The following TEX2 variants were observed in gnomAD, a reference collection of about 807,000 sequenced individuals.
TEX2 encodes testis-expressed protein 2.
A neutral mutation model predicts 106.9 loss-of-function variants in TEX2; 53 were observed. The observed-to-expected ratio is 0.50, with a 90% confidence interval of 0.40 to 0.62. TEX2 has a LOEUF of 0.62. Ranked by LOEUF, TEX2 falls within the 20% of genes least tolerant of loss-of-function variation. The pLI is 0.00. For missense variants in TEX2, 1,207 were observed against 1,379.0 expected (o/e 0.88, Z 1.98); for synonymous variants, 523 against 534.8 (o/e 0.98, Z 0.30).
rs2032148892 is a variant in TEX2, at chr17:64,188,190, C to T, written c.2402G>A (p.Ser801Asn). 1 of 1,610,294 alleles carries T rather than the reference C, an allele frequency of 6.2e-7. No homozygotes were observed. Among genetic ancestry groups the T allele is most frequent in the East Asian group, 2.2e-5 (1 of 44,880 alleles). Residue 801 changes from serine (S) to asparagine (N), a missense_variant, in exon 5 of 12, where the codon AGC becomes AAC. Ser to Asn is a conservative substitution (Grantham distance 46, BLOSUM62 1). This residue lies in a region of TEX2 where 1,067 missense variants were observed against 1,193.6 expected (regional missense o/e 0.89). Transcript: ENST00000584379. ...PQRSPLQSAESSPTAGKKLPE... is the reference protein window; with the variant it reads ...PQRSPLQSAENSPTAGKKLPE... ...TACCTTCTTCCCAGCTGTGGGGCTG[C>T]TCTCCGCACTCTGCAGGGGGCTCCT... is the stretch of plus-strand genomic sequence containing the variant.
At chr17:64,227,118 C>G (rs1188892383) in intron 1 of TEX2, among the ~76,000 whole-genome samples, 1 of 151,120 alleles carries the variant, frequency 6.6e-6, no homozygotes, top group Non-Finnish European at 1.5e-5. Flanking sequence ...CCCAGCTACT[C>G]GGGAGGGTGA....
At chr17:64,193,233 C>A (rs986171144) in intron 4 of TEX2, among the ~76,000 whole-genome samples, 3 of 152,154 alleles carry the variant, frequency 2.0e-5, no homozygotes, top group African/African-American at 7.2e-5. Context: ...GAAGGATCTC[C>A]CTGACTCACC....
intron 1 of TEX2, among the ~76,000 whole-genome samples, chr17:64,261,521 T>C (rs781874786): frequency 6.6e-6 from 1 of 152,150 alleles, no homozygotes; most frequent in Non-Finnish European, 1.5e-5. Flanking sequence ...CTCCTGAATT[T>C]TTCCTCCCTC....
intron 5 of TEX2, among the ~76,000 whole-genome samples, chr17:64,187,028 A>T (rs2032101959): frequency 6.6e-6 from 1 of 152,166 alleles, no homozygotes; most frequent in African/African-American, 2.4e-5. Context: ...TCACTTAGCA[A>T]CTGTGTGACT....
chr17:64,168,349 A>T (rs1298992322), intron 7 of TEX2, among the ~76,000 whole-genome samples: 3 of 152,182 alleles, frequency 2.0e-5, no homozygotes, highest in Non-Finnish European at 2.9e-5. Context: ...TTATGTCTTT[A>T]TCGTTCCTTT....
intron 1 of TEX2, among the ~76,000 whole-genome samples, chr17:64,222,518 C>CAAAAAAAAAAA (rs11296538): frequency 2.0e-5 from 2 of 99,150 alleles, no homozygotes; most frequent in African/African-American, 3.8e-5. Flanking sequence ...TTCCAACTCA[C>CAAAAAAAAAAA]AAAAAAAAAA....
In TEX2 at chr17:64,212,636, G is replaced by C; in HGVS notation, c.1582C>G (p.His528Asp). 6.2e-7 allele frequency: 1 copy of C among 1,614,114 alleles called. No individual in the cohort carries two copies. The highest frequency in any genetic ancestry group is 1.1e-5 in the South Asian group (1 of 91,076). Residue 528 changes from histidine (H) to aspartate (D), a missense_variant, in exon 2 of 12, where the codon CAC becomes GAC. By Grantham distance (81) the His-to-Asp change is moderately conservative (BLOSUM62 -1). Around this residue, in one of 3 missense-constraint regions of TEX2, gnomAD observed 1,067 missense variants for 1,193.6 expected, o/e 0.89. Coordinates refer to ENST00000584379, the MANE Select transcript of TEX2 (RefSeq NM_001288732.2). ...GTGTTCCAGTGTCGCAGATTTTTGT[G>C]TAACTTGTGATATTTATGAGCACTT... ...PPSAHKYHKL[H>D]KNLRHWNTRS... is the part of the protein sequence containing the mutation.
At chr17:64,192,112 A>G (rs1478953604) in intron 4 of TEX2, among the ~76,000 whole-genome samples, 1 of 152,214 alleles carries the variant, frequency 6.6e-6, no homozygotes, top group Non-Finnish European at 1.5e-5. Context: ...TAGACCTACC[A>G]GGAGAGCTAG....
chr17:64,190,208 T>C (rs1385850953), intron 4 of TEX2, among the ~76,000 whole-genome samples: 2 of 152,192 alleles, frequency 1.3e-5, no homozygotes, highest in African/African-American at 4.8e-5. Context: ...ATTATCCTTA[T>C]ACCGTTTTCA....
intron 1 of TEX2, among the ~76,000 whole-genome samples, chr17:64,248,031 C>T (rs1349094473): frequency 6.6e-6 from 1 of 152,180 alleles, no homozygotes; most frequent in Non-Finnish European, 1.5e-5. Flanking sequence ...AAATCTCACT[C>T]CAGGAAGAAG....
At chr17:64,171,979 C>CA (rs11322413) in intron 6 of TEX2, among the ~76,000 whole-genome samples, 3,869 of 133,280 alleles carry the variant, frequency 0.029, 92 homozygotes, top group African/African-American at 0.069. Context: ...GACTCTGCGT[C>CA]AAAAAAAAAA....
At chr17:64,262,635 ACGC>A (rs1449232887) in intron 1 of TEX2, among the ~76,000 whole-genome samples, 1 of 152,140 alleles carries the variant, frequency 6.6e-6, no homozygotes, top group Non-Finnish European at 1.5e-5. Context: ...GGATTTCGGC[ACGC>A]CGCCGCCTCC....
At chr17:64,192,468 CAG>C (rs574598457) in intron 4 of TEX2, among the ~76,000 whole-genome samples, 30 of 152,330 alleles carry the variant, frequency 2.0e-4, no homozygotes, top group Middle Eastern at 3.4e-3. Context: ...GGATTCTATG[CAG>C]AGTCTCACAA....
rs1371279370 is a variant in TEX2, at chr17:64,160,943, T to C, written c.2672-10A>G. 1.9e-6 allele frequency: 3 copies of C among 1,603,448 alleles called. No individual in the cohort carries two copies. Among genetic ancestry groups the C allele is most frequent in the African/African-American group, 2.7e-5 (2 of 74,116 alleles). On this transcript the variant is annotated splice_polypyrimidine_tract_variant and intron_variant, in intron 7 of 11. Coordinates refer to ENST00000584379, the MANE Select transcript of TEX2 (RefSeq NM_001288732.2). Reference sequence around the variant, plus strand: ...AAATCAATCCAGAGTCCTGGAGAAATGGTGAAAAAACAGAAGGTTTTTTTC... The same window carrying C: ...AAATCAATCCAGAGTCCTGGAGAAACGGTGAAAAAACAGAAGGTTTTTTTC...
At chr17:64,243,139 G>A (rs1421606070) in intron 1 of TEX2, among the ~76,000 whole-genome samples, 2 of 151,974 alleles carry the variant, frequency 1.3e-5, no homozygotes, top group Non-Finnish European at 2.9e-5. Context: ...ATATTGGCCA[G>A]GCTGGTCTCG....
chr17:64,249,348 C>G (rs2034049005), intron 1 of TEX2, among the ~76,000 whole-genome samples: 1 of 152,132 alleles, frequency 6.6e-6, no homozygotes, highest in African/African-American at 2.4e-5. Context: ...TGGGAAGGAG[C>G]TCAGGAGGAG....
chr17:64,239,954 C>T (rs559643063), intron 1 of TEX2, among the ~76,000 whole-genome samples: 2 of 147,942 alleles, frequency 1.4e-5, no homozygotes, highest in South Asian at 4.3e-4. Flanking sequence ...AGTTCCTTAC[C>T]AGGCCACAAA....
intron 2 of TEX2, among the ~76,000 whole-genome samples, chr17:64,202,099 GCA>G (rs35599665): frequency 0.54 from 81,860 of 151,932 alleles, 23,433 homozygotes; most frequent in East Asian, 0.8. Context: ...AGGTAAAAAT[GCA>G]CAAAATAGCA....
At chr17:64,223,463 T>C (rs1555633523) in intron 1 of TEX2, among the ~76,000 whole-genome samples, 1 of 145,872 alleles carries the variant, frequency 6.9e-6, no homozygotes. Flanking sequence ...ATCAGAGCCA[T>C]AAAAAGAGCA....
Sources: allele counts gnomAD v4.1 joint callset (sites outside exome capture counted in the v4.1 genomes callset), GRCh38; gene constraint gnomAD v4.1.1; regional missense constraint gnomAD v4.1.1; transcripts MANE v1.5; gene names NCBI Gene and HGNC (gene_info 2026-07-23, HGNC 2026-07-21).